SGIP1: variants seen among roughly 807,000 people sequenced by gnomAD.
SGIP1 encodes the protein SH3-containing GRB2-like protein 3-interacting protein 1.
In SGIP1, 38 loss-of-function variants were observed where a neutral mutation model predicts 107.5. The observed-to-expected ratio is 0.35, with a 90% CI of 0.27 to 0.46. The LOEUF is 0.46. Ranked by LOEUF, SGIP1 falls within the 20% of genes least tolerant of loss-of-function variation. The pLI, the probability that SGIP1 is intolerant of heterozygous loss-of-function variation, is 1.00. For missense variants in SGIP1, 929 were observed against 1,019.5 expected (o/e 0.91, Z 1.21); for synonymous variants, 365 against 366.1 (o/e 1.00, Z 0.03).
chr1:66,695,475 TTTTA>T lies in SGIP1; in HGVS notation c.1616_1619del (p.Tyr539Ter), dbSNP rs2090737101. On this transcript the variant is annotated frameshift_variant, in exon 18 of 25. Transcript: ENST00000371037. LOFTEE classifies it high-confidence loss of function. ...CCTCGTTTGGTTTGACAGAGGAAAG[TTTTA>T]TTTGACTTTTGAAGGTAAGTAGTGC... 6.2e-7 allele frequency: 1 copy of T among 1,613,852 alleles called. No homozygotes were observed. The highest frequency in any genetic ancestry group is 8.5e-7 in the Non-Finnish European group (1 of 1,179,970).
intron 18 of SGIP1, among the ~76,000 whole-genome samples, chr1:66,715,306 G>C (rs2093172024): frequency 6.6e-6 from 1 of 152,124 alleles, no homozygotes; most frequent in Admixed American, 6.6e-5. Flanking sequence ...GCAATGTATA[G>C]GGATGTGAAG....
chr1:66,608,050 C>T (rs765647194), intron 1 of SGIP1, among the ~76,000 whole-genome samples: 2 of 152,150 alleles, frequency 1.3e-5, no homozygotes, highest in African/African-American at 2.4e-5. Flanking sequence ...ATCCAGACAG[C>T]GTGAAAATGG....
At chr1:66,600,696 A>C (rs2065630790) in intron 1 of SGIP1, among the ~76,000 whole-genome samples, 1 of 152,220 alleles carries the variant, frequency 6.6e-6, no homozygotes, top group African/African-American at 2.4e-5. Context: ...GAGAGCAACC[A>C]GTAAAGCCAG....
At chr1:66,664,044 C>T (rs1174556174) in intron 8 of SGIP1, among the ~76,000 whole-genome samples, 2 of 152,082 alleles carry the variant, frequency 1.3e-5, no homozygotes, top group Non-Finnish European at 2.9e-5. Flanking sequence ...CACTTTTAGT[C>T]CTCTAATTGC....
intron 18 of SGIP1, among the ~76,000 whole-genome samples, chr1:66,706,559 AAAAG>A (rs1237061863): frequency 6.6e-6 from 1 of 150,928 alleles, no homozygotes; most frequent in African/African-American, 2.4e-5. Flanking sequence ...GACAAAAGAA[AAAAG>A]AAAAAGGAAA....
At chr1:66,634,147 C>T (rs370666431) in intron 3 of SGIP1, 3 of 1,609,992 alleles carry the variant, frequency 1.9e-6, no homozygotes, top group East Asian at 2.2e-5. Flanking sequence ...AGAGCCCTCT[C>T]GTTAACTCTG....
chr1:66,599,604 C>T (rs1018499300), intron 1 of SGIP1, among the ~76,000 whole-genome samples: 4 of 152,212 alleles, frequency 2.6e-5, no homozygotes, highest in Non-Finnish European at 4.4e-5. Context: ...AGATAGACTT[C>T]CATGCTACAC....
At chr1:66,556,201 C>G (rs1004052181) in intron 1 of SGIP1, among the ~76,000 whole-genome samples, 1 of 152,122 alleles carries the variant, frequency 6.6e-6, no homozygotes, top group Non-Finnish European at 1.5e-5. Context: ...TCATAATCCC[C>G]GGTGATATGC....
In SGIP1 at chr1:66,750,949, TG is replaced by T. The variant is rs1356976341; in HGVS notation, c.*7855del. On this transcript the variant is annotated 3_prime_UTR_variant, in exon 25 of 25. Coordinates refer to ENST00000371037, the MANE Select transcript of SGIP1 (RefSeq NM_032291.4). ...AATAATAATTTTTGTAAATGTTTTT[TG>T]TTCATAATTTTCCCAATCACCTATT... 6.6e-6 allele frequency among the ~76,000 whole-genome samples: 1 copy of T among 152,234 alleles called. No homozygotes were observed. Among genetic ancestry groups the T allele is most frequent in the Non-Finnish European group, 1.5e-5 (1 of 68,044 alleles).
chr1:66,717,733 A>C (rs557271609), intron 18 of SGIP1, among the ~76,000 whole-genome samples: 18 of 152,322 alleles, frequency 1.2e-4, no homozygotes, highest in African/African-American at 4.1e-4. Flanking sequence ...AGGACTGAAC[A>C]AGTTGTATAA....
chr1:66,709,532 T>C (rs1187086200), intron 18 of SGIP1, among the ~76,000 whole-genome samples: 2 of 152,168 alleles, frequency 1.3e-5, no homozygotes, highest in African/African-American at 4.8e-5. Context: ...GTTGTAGTCA[T>C]AATTAAATGA....
intron 19 of SGIP1, among the ~76,000 whole-genome samples, chr1:66,721,113 C>T (rs1427365649): frequency 7.9e-5 from 12 of 152,278 alleles, no homozygotes; most frequent in Non-Finnish European, 1.5e-5. Flanking sequence ...CACGTCTTTT[C>T]TCTTTCATCT....
chr1:66,677,640 T>C (rs2085691147), intron 13 of SGIP1, among the ~76,000 whole-genome samples: 1 of 152,234 alleles, frequency 6.6e-6, no homozygotes, highest in Non-Finnish European at 1.5e-5. Context: ...TCTTCCAGCA[T>C]GACCCAGGCG....
At chr1:66,722,259 A>G (rs2093574552) in intron 19 of SGIP1, among the ~76,000 whole-genome samples, 1 of 152,168 alleles carries the variant, frequency 6.6e-6, no homozygotes, top group African/African-American at 2.4e-5. Flanking sequence ...ATGATTCTTC[A>G]GTAAATTTAT....
chr1:66,587,563 C>A (rs573500304), intron 1 of SGIP1, among the ~76,000 whole-genome samples: 3 of 152,120 alleles, frequency 2.0e-5, no homozygotes, highest in African/African-American at 7.2e-5. Flanking sequence ...CCTCTTGTTA[C>A]GTTGAAAACC....
chr1:66,699,499 T>C (rs941641273), intron 18 of SGIP1, among the ~76,000 whole-genome samples: 1 of 152,128 alleles, frequency 6.6e-6, no homozygotes, highest in Non-Finnish European at 1.5e-5. Context: ...GGCCTCTTGA[T>C]TTTTGCTCCA....
chr1:66,740,090 A>G (rs2094398699), intron 22 of SGIP1, among the ~76,000 whole-genome samples: 1 of 152,142 alleles, frequency 6.6e-6, no homozygotes, highest in African/African-American at 2.4e-5. Flanking sequence ...GGTAAACCTA[A>G]TTTGTACCTA....
intron 7 of SGIP1, among the ~76,000 whole-genome samples, chr1:66,655,995 C>G (rs939097981): frequency 1.3e-5 from 2 of 152,048 alleles, no homozygotes; most frequent in African/African-American, 4.8e-5. Context: ...AAACATTGTA[C>G]AGCTGTATGA....
chr1:66,553,292 C>T (rs781097841), intron 1 of SGIP1, among the ~76,000 whole-genome samples: 75 of 152,136 alleles, frequency 4.9e-4, no homozygotes, highest in Non-Finnish European at 9.0e-4. Context: ...CAGCTGCATA[C>T]GAAACTTTTC....
Sources: allele counts gnomAD v4.1 joint callset (sites outside exome capture counted in the v4.1 genomes callset), GRCh38; gene constraint gnomAD v4.1.1; transcripts MANE v1.5; gene names NCBI Gene and HGNC (gene_info 2026-07-23, HGNC 2026-07-21).